Variants in FLRT2 observed in about 807,000 individuals in gnomAD.
The protein encoded by FLRT2 is leucine-rich repeat transmembrane protein FLRT2.
FLRT2 carries 15 observed loss-of-function variants against 40.0 expected under a neutral mutation model. That is an observed-to-expected ratio of 0.38 (90% CI 0.25 to 0.58). The LOEUF (loss-of-function observed/expected upper bound fraction) is 0.58. Among genes scored for constraint, FLRT2 ranks in the 20% least tolerant of loss-of-function variants. FLRT2 has a pLI of 0.71. For synonymous variants in FLRT2, 380 were observed against 336.8 expected, an observed-to-expected ratio of 1.13 and a Z score of -1.41; for missense variants, 726 against 840.0, an observed-to-expected ratio of 0.86 and a Z score of 1.68.
rs377432349 is a variant in FLRT2, at chr14:85,623,144, G to A, written c.1630G>A (p.Ala544Thr). ...SHSMGSPFLL[A>T]GLIGGAVIFV... ...CAGCATGGGCTCCCCCTTTCTGCTG[G>A]CGGGCTTGATCGGGGGCGCGGTGAT... The change falls in exon 2 of 2, where the codon GCG (alanine) becomes ACG (threonine). Residue 544 changes from alanine to threonine, a missense_variant. By Grantham distance (58) the Ala-to-Thr change is moderately conservative (BLOSUM62 0). Transcript: ENST00000330753. 1 of 1,598,598 alleles carries A rather than the reference G, an allele frequency of 6.3e-7. No homozygotes were observed. The highest frequency in any genetic ancestry group is 2.2e-5 in the East Asian group (1 of 44,670).
Position 85,621,791 on chromosome 14 carries a change from G to T in FLRT2, c.277G>T (p.Val93Phe). 2 of 1,614,184 alleles carry T rather than the reference G, an allele frequency of 1.2e-6. No individual in the cohort carries two copies. The highest frequency in any genetic ancestry group is 1.7e-6 in the Non-Finnish European group (2 of 1,180,022). The change falls in exon 2 of 2, where the codon GTC (valine) becomes TTC (phenylalanine). Residue 93 changes from valine to phenylalanine, a missense_variant. By Grantham distance (50) the Val-to-Phe change is conservative (BLOSUM62 -1). Around this residue, in one of 3 missense-constraint regions of FLRT2, gnomAD observed 106 missense variants for 121.2 expected, o/e 0.87. Transcript: ENST00000330753. Reference sequence around the variant, plus strand: ...GCACAATGTACAGTCGGTGCACACGGTCTACCTGTATGGCAACCAACTGGA... The same window carrying T: ...GCACAATGTACAGTCGGTGCACACGTTCTACCTGTATGGCAACCAACTGGA... ...ELHNVQSVHT[V>F]YLYGNQLDEF... is the part of the protein sequence containing the mutation.
At chr14:85,575,984 A>G (rs1280214235) in intron 1 of FLRT2, among the ~76,000 whole-genome samples, 1 of 152,136 alleles carries the variant, frequency 6.6e-6, no homozygotes, top group African/African-American at 2.4e-5. Context: ...TTGCCTTTAA[A>G]ACTCCATTTG....
At chr14:85,612,858 T>C (rs1236968495) in intron 1 of FLRT2, among the ~76,000 whole-genome samples, 1 of 152,242 alleles carries the variant, frequency 6.6e-6, no homozygotes, top group Non-Finnish European at 1.5e-5. Context: ...ATACACACTA[T>C]GTAATTTCAT....
At chr14:85,555,505 G>A (rs192347496) in intron 1 of FLRT2, among the ~76,000 whole-genome samples, 203 of 152,178 alleles carry the variant, frequency 1.3e-3, no homozygotes, top group African/African-American at 4.6e-3. Context: ...CAGATCTCAT[G>A]AGACTTACTT....
chr14:85,568,735 C>A (rs1229729370), intron 1 of FLRT2, among the ~76,000 whole-genome samples: 1 of 152,216 alleles, frequency 6.6e-6, no homozygotes, highest in Non-Finnish European at 1.5e-5. Context: ...TGGCTGCTCT[C>A]TCTCCCTATT....
At chr14:85,571,373 A>G (rs1024479049) in intron 1 of FLRT2, among the ~76,000 whole-genome samples, 14 of 152,210 alleles carry the variant, frequency 9.2e-5, no homozygotes, top group African/African-American at 3.1e-4. Flanking sequence ...TGGTCAAATA[A>G]TGTATAATAT....
At position 85,643,057 on chromosome 14, in the gene FLRT2, T is replaced by TTATTA. The variant is rs1011210885; in HGVS notation, c.*19561_*19565dup. ...TCAGAAGGCTCTCTCCTGTCTCTTT[T>TTATTA]TATTAGGTCATTATTCTCAACATGA... On this transcript the variant is annotated 3_prime_UTR_variant, in exon 2 of 2. Coordinates refer to ENST00000330753, the MANE Select transcript of FLRT2 (RefSeq NM_013231.6). 6.6e-6 allele frequency: 1 copy of TTATTA among 152,174 alleles called. No homozygotes were observed. Among genetic ancestry groups the TTATTA allele is most frequent in the Admixed American group, 6.5e-5 (1 of 15,282 alleles). 9.4% of individuals were successfully genotyped at this position (152,174 alleles called of 1,614,324 possible).
chr14:85,623,514 G>C lies in FLRT2; in HGVS notation c.*17G>C. The C allele has an allele frequency of 7.1e-7, 1 of 1,418,292 alleles. No homozygotes were observed. Among genetic ancestry groups the C allele is most frequent in the Non-Finnish European group, 9.2e-7 (1 of 1,083,708 alleles). 87.9% of individuals were successfully genotyped at this position (1,418,292 alleles called of 1,614,324 possible). A position where few individuals can be genotyped will look rare whatever the true frequency, so the allele number is the denominator to read the frequency against. ...CATACGTGACAGCCAGAGGCCCAGC[G>C]TTATCAAGGCGGACAATTAGACTCT... On this transcript the variant is annotated 3_prime_UTR_variant, in exon 2 of 2. Transcript: ENST00000330753.
At position 85,637,411 on chromosome 14, in the gene FLRT2, T is replaced by G. The variant is rs1894037300; in HGVS notation, c.*13914T>G. Reference sequence around the variant, plus strand: ...CACCTCTTTAATGTTTGGTTTCATATTTTTTAAAAGGTATAACAAAAACAC... The same window carrying G: ...CACCTCTTTAATGTTTGGTTTCATAGTTTTTAAAAGGTATAACAAAAACAC... On this transcript the variant is annotated 3_prime_UTR_variant, in exon 2 of 2. Transcript: ENST00000330753. 6.6e-6 allele frequency: 1 copy of G among 152,230 alleles called. No individual in the cohort carries two copies. The highest frequency in any genetic ancestry group is 6.5e-5 in the Admixed American group (1 of 15,288). 9.4% of individuals were successfully genotyped at this position (152,230 alleles called of 1,614,324 possible). A position where few individuals can be genotyped will look rare whatever the true frequency, so the allele number is the denominator to read the frequency against.
In FLRT2 at chr14:85,621,510, C is replaced by A; in HGVS notation, c.-5C>A. 2 of 1,567,688 alleles carry A rather than the reference C, an allele frequency of 1.3e-6. No homozygotes were observed. The highest frequency in any genetic ancestry group is 1.7e-6 in the Non-Finnish European group (2 of 1,160,050). On this transcript the variant is annotated 5_prime_UTR_variant, in exon 2 of 2. Transcript: ENST00000330753. ...CACATTGTATTTTATTTCCGTACTT[C>A]AGAAATGGGCCTACAGACCACAAAG...
rs1566714025 is a variant in FLRT2, at chr14:85,535,905, T to TG, written c.-377+5371_-377+5372insG. Among the ~76,000 whole-genome samples, 34 of 77,692 alleles carry TG rather than the reference T, an allele frequency of 4.4e-4. 1 individual carries two copies. Among genetic ancestry groups the TG allele is most frequent in the African/African-American group, 2.0e-3 (33 of 16,590 alleles). The allele number at this position is 77,692 out of a possible 152,430, so 51.0% of individuals were successfully genotyped here. A position where few individuals can be genotyped will look rare whatever the true frequency, so the allele number is the denominator to read the frequency against. ...GGAAGGAATGCTGTTTTTTTTTTTT[T>TG]TTTTTTTTTTTTTTTTGTTGTTGTT... On this transcript the variant is annotated intron_variant, in intron 1 of 1. Transcript: ENST00000330753.
rs546505134 is a variant in FLRT2, at chr14:85,627,957, A to T, written c.*4460A>T. 2.4e-5 allele frequency: 4 copies of T among 166,946 alleles called. No homozygotes were observed. Among genetic ancestry groups the T allele is most frequent in the African/African-American group, 4.8e-5 (2 of 41,572 alleles). The allele number at this position is 166,946 out of a possible 1,614,324, so 10.3% of individuals were successfully genotyped here. On this transcript the variant is annotated 3_prime_UTR_variant, in exon 2 of 2. Transcript: ENST00000330753. ...TGTTTATCTGAGTAAGTTCATTGGG[A>T]TACAGTCAATACTTGTGCTGTTAAT...
chr14:85,608,085 G>A (rs911042242), intron 1 of FLRT2, among the ~76,000 whole-genome samples: 1 of 151,996 alleles, frequency 6.6e-6, no homozygotes, highest in African/African-American at 2.4e-5. Flanking sequence ...ATTTTAACTC[G>A]ATGCTCCCCT....
rs907317696 is a variant in FLRT2, at chr14:85,631,096, A to T, written c.*7599A>T. On this transcript the variant is annotated 3_prime_UTR_variant, in exon 2 of 2. Coordinates refer to ENST00000330753, the MANE Select transcript of FLRT2 (RefSeq NM_013231.6). ...CTCTAGATTATATATATATAATTAC[A>T]TATATAATCTAGATTTTATATATAT... is the stretch of plus-strand genomic sequence containing the variant. 1 of 122,992 alleles carries T rather than the reference A, an allele frequency of 8.1e-6. No homozygotes were observed. The highest frequency in any genetic ancestry group is 1.8e-5 in the Non-Finnish European group (1 of 55,696). 7.6% of individuals were successfully genotyped at this position (122,992 alleles called of 1,614,324 possible). A position where few individuals can be genotyped will look rare whatever the true frequency, so the allele number is the denominator to read the frequency against.
At chr14:85,549,467 TCA>T (rs1398286990) in intron 1 of FLRT2, among the ~76,000 whole-genome samples, 1 of 152,180 alleles carries the variant, frequency 6.6e-6, no homozygotes, top group Admixed American at 6.5e-5. Flanking sequence ...GCCAACCCCT[TCA>T]CGAGTCTTGC....
intron 1 of FLRT2, among the ~76,000 whole-genome samples, chr14:85,585,946 T>G (rs146415724): frequency 6.6e-6 from 1 of 151,020 alleles, no homozygotes; most frequent in Non-Finnish European, 1.5e-5. Flanking sequence ...TGGCTCTACA[T>G]GCTTTTAATT....
At position 85,628,548 on chromosome 14, in the gene FLRT2, G is replaced by GTATC. The variant is rs1893789658; in HGVS notation, c.*5055_*5058dup. ...CCTTTCAATAGGCACTCAAGGAAATGTATCTATTCATATGCTCAACTTCAA... is the reference window on the plus strand; with the variant it reads ...CCTTTCAATAGGCACTCAAGGAAATGTATCTATCTATTCATATGCTCAACTTCAA... On this transcript the variant is annotated 3_prime_UTR_variant, in exon 2 of 2. Transcript: ENST00000330753. 1 of 152,288 alleles carries GTATC rather than the reference G, an allele frequency of 6.6e-6. No individual in the cohort carries two copies. Among genetic ancestry groups the GTATC allele is most frequent in the South Asian group, 2.1e-4 (1 of 4,824 alleles). The allele number at this position is 152,288 out of a possible 1,614,324, so 9.4% of individuals were successfully genotyped here. A position where few individuals can be genotyped will look rare whatever the true frequency, so the allele number is the denominator to read the frequency against.
chr14:85,578,861 A>T (rs1415850883), intron 1 of FLRT2, among the ~76,000 whole-genome samples: 2 of 152,122 alleles, frequency 1.3e-5, no homozygotes, highest in Non-Finnish European at 2.9e-5. Flanking sequence ...TGAGACCTGG[A>T]TGGCCATCCC....
chr14:85,595,217 A>G (rs985631673), intron 1 of FLRT2, among the ~76,000 whole-genome samples: 2 of 152,134 alleles, frequency 1.3e-5, no homozygotes, highest in African/African-American at 4.8e-5. Flanking sequence ...TTCTAGTGCC[A>G]AGTATACTTC....
Sources: gnomAD v4.1 joint callset for allele counts (sites outside exome capture counted in the v4.1 genomes callset) on GRCh38, gnomAD v4.1.1 for gene constraint, gnomAD v4.1.1 regional missense constraint, MANE v1.5 for transcripts, NCBI Gene and HGNC (gene_info 2026-07-23, HGNC 2026-07-21) for gene names.